The following DLAT variants were observed in gnomAD, a reference collection of about 807,000 sequenced individuals.
DLAT encodes dihydrolipoyllysine-residue acetyltransferase component of pyruvate dehydrogenase complex, mitochondrial.
Under a neutral mutation model 68.0 loss-of-function variants are expected in DLAT, and 43 were observed. The observed-to-expected ratio is 0.63, with a 90% CI of 0.50 to 0.81. DLAT has a LOEUF of 0.81. Among genes scored for constraint, DLAT ranks in the 40% least tolerant of loss-of-function variants. DLAT has a pLI of 0.00. For missense variants in DLAT, 745 were observed against 815.4 expected, an observed-to-expected ratio of 0.91 and a Z score of 1.05; for synonymous variants, 265 against 288.6, an observed-to-expected ratio of 0.92 and a Z score of 0.83.
At chr11:112,049,793 G>T (rs1431430036) in intron 10 of DLAT, among the ~76,000 whole-genome samples, 1 of 151,990 alleles carries the variant, frequency 6.6e-6, no homozygotes, top group Non-Finnish European at 1.5e-5. Flanking sequence ...GTTTTTTAGT[G>T]TATTTCTTAG....
intron 11 of DLAT, among the ~76,000 whole-genome samples, chr11:112,054,286 C>A (rs1225393922): frequency 1.3e-5 from 2 of 152,182 alleles, no homozygotes; most frequent in East Asian, 3.9e-4. Context: ...CGCCACTGCA[C>A]TCCAGCCTGA....
At chr11:112,053,774 A>G (rs1233165960) in intron 11 of DLAT, among the ~76,000 whole-genome samples, 6 of 152,082 alleles carry the variant, frequency 3.9e-5, no homozygotes, top group African/African-American at 7.2e-5. Flanking sequence ...CTTTTAAACT[A>G]TTGTTTCTTC....
chr11:112,056,101 T>C (rs1555182546), intron 11 of DLAT, among the ~76,000 whole-genome samples: 1 of 151,866 alleles, frequency 6.6e-6, no homozygotes, highest in Non-Finnish European at 1.5e-5. Context: ...CTCTTGACTT[T>C]GTGATCTGCC....
chr11:112,037,803 G>T (rs1286410753), intron 6 of DLAT, among the ~76,000 whole-genome samples: 1 of 146,116 alleles, frequency 6.8e-6, no homozygotes, highest in Non-Finnish European at 1.5e-5. Context: ...TAAGAGACAA[G>T]GTCTCACCCT....
chr11:112,060,166 T>C, intron 12 of DLAT, 101 bp downstream of exon 12: 2 of 1,134,216 alleles, frequency 1.8e-6, no homozygotes, highest in Non-Finnish European at 2.5e-6. Context: ...TAATTTTTTT[T>C]TTTTTTTTTT....
intron 10 of DLAT, among the ~76,000 whole-genome samples, chr11:112,047,134 CCTGA>C (rs1863362587): frequency 6.6e-6 from 1 of 152,166 alleles, no homozygotes; most frequent in Non-Finnish European, 1.5e-5. Context: ...TCTGTTGTTT[CCTGA>C]CTTTTTAGTG....
Position 112,037,250 on chromosome 11 carries a change from A to C in DLAT, c.788-23A>C, listed in dbSNP as rs189966569. On this transcript the variant is annotated intron_variant, in intron 5 of 13. Coordinates refer to ENST00000280346, the MANE Select transcript of DLAT (RefSeq NM_001931.5). ...GATAGTGGAATCTCTTAAGTCCCAT[A>C]ATGTTTTTTCTTTCTATTTAAGGTT... 29 of 1,607,588 alleles carry C rather than the reference A, an allele frequency of 1.8e-5. No homozygotes were observed. In the East Asian group the frequency reaches 6.5e-4, roughly 36 times the overall value.
At position 112,026,330 on chromosome 11, in the gene DLAT, T is replaced by A. The variant is rs376223988; in HGVS notation, c.381+31T>A. On this transcript the variant is annotated intron_variant, in intron 2 of 13. Coordinates refer to ENST00000280346, the MANE Select transcript of DLAT (RefSeq NM_001931.5). ...TTTTTTTTTTTTTTTTTAATTAATT[T>A]ATTTATTTTTTTTATTGATCATTCT... The A allele has an allele frequency of 4.9e-3, 5,860 of 1,202,610 alleles. 26 individuals carry two copies. Among genetic ancestry groups the A allele is most frequent in the Admixed American group, 0.021 (694 of 33,342 alleles). The allele number at this position is 1,202,610 out of a possible 1,614,324, so 74.5% of individuals were successfully genotyped here.
intron 5 of DLAT, among the ~76,000 whole-genome samples, chr11:112,035,573 C>T (rs1862668638): frequency 6.6e-6 from 1 of 151,594 alleles, no homozygotes; most frequent in African/African-American, 2.4e-5. Flanking sequence ...ACCACAACCT[C>T]TGCCTCCTGG....
At chr11:112,060,566 T>C (rs1864524165) in intron 12 of DLAT, among the ~76,000 whole-genome samples, 1 of 152,128 alleles carries the variant, frequency 6.6e-6, no homozygotes, top group South Asian at 2.1e-4. Context: ...GCAATTCTCC[T>C]ACCTCTGCCT....
intron 10 of DLAT, among the ~76,000 whole-genome samples, chr11:112,049,556 T>C (rs1439029293): frequency 6.6e-6 from 1 of 152,066 alleles, no homozygotes; most frequent in Non-Finnish European, 1.5e-5. Context: ...ATTGCTACTA[T>C]ATAAAGGTAT....
intron 10 of DLAT, among the ~76,000 whole-genome samples, chr11:112,048,259 GCTCT>G (rs1173741951): frequency 6.6e-6 from 1 of 151,954 alleles, no homozygotes; most frequent in African/African-American, 2.4e-5. Flanking sequence ...TCACAATTTG[GCTCT>G]CTGTTTGTCT....
chr11:112,051,296 A>G lies in DLAT; in HGVS notation c.1461A>G (p.Ala487=). 1.9e-6 allele frequency: 3 copies of G among 1,613,754 alleles called. No individual in the cohort carries two copies. The highest frequency in any genetic ancestry group is 2.5e-6 in the Non-Finnish European group (3 of 1,179,984). The change falls in exon 11 of 14, where the codon GCA becomes GCG. Residue 487 remains alanine (A), a synonymous_variant. Transcript: ENST00000280346. The surrounding 1 kb of genome is among the most constrained non-coding windows in gnomAD (Gnocchi z 4.3). ...NDFIIKASAL[A]CLKVPEANSS... ...TCATCATAAAAGCTTCAGCTTTGGC[A>G]TGTTTAAAAGTTCCCGAAGCAAATT...
intron 12 of DLAT, among the ~76,000 whole-genome samples, chr11:112,060,624 T>TTG (rs1160362957): frequency 1.1e-4 from 16 of 151,702 alleles, no homozygotes; most frequent in East Asian, 1.9e-4. Context: ...CTGACTAATT[T>TTG]TGTGTGTGTG....
chr11:112,029,042 G>A (rs781985127), intron 4 of DLAT, 97 bp downstream of exon 4: 4 of 1,388,460 alleles, frequency 2.9e-6, no homozygotes, highest in East Asian at 2.3e-5. Context: ...GACATTAAAT[G>A]TGGTTAGGTC....
Position 112,064,225 on chromosome 11 carries a change from GAA to G in DLAT, c.*1697_*1698del. On this transcript the variant is annotated 3_prime_UTR_variant, in exon 14 of 14. Coordinates refer to ENST00000280346, the MANE Select transcript of DLAT (RefSeq NM_001931.5). ...ATGCTTGTGGTTCTGTTGTTCCCTT[GAA>G]AAAAAATAAAAACAGTTGCCTTCTA... is the stretch of plus-strand genomic sequence containing the variant. 2 of 1,551,296 alleles carry G rather than the reference GAA, an allele frequency of 1.3e-6. No homozygotes were observed. Among genetic ancestry groups the G allele is most frequent in the Non-Finnish European group, 1.7e-6 (2 of 1,151,742 alleles).
At chr11:112,026,132 T>A in intron 1 of DLAT, 66 bp from the exon 2 acceptor site, 1 of 1,238,454 alleles carries the variant, frequency 8.1e-7, no homozygotes, top group Non-Finnish European at 1.2e-6. Flanking sequence ...TTGAATGAAA[T>A]CTTAAGCCAG....
chr11:112,026,966 GA>G (rs1385803815), intron 2 of DLAT, among the ~76,000 whole-genome samples: 1 of 150,676 alleles, frequency 6.6e-6, no homozygotes, highest in Non-Finnish European at 1.5e-5. Flanking sequence ...TTCCCTCCCG[GA>G]CGGGGCGGCT....
Position 112,059,980 on chromosome 11 carries a change from T to G in DLAT, c.1592T>G (p.Ile531Arg), listed in dbSNP as rs782348613. 2 of 1,613,962 alleles carry G rather than the reference T, an allele frequency of 1.2e-6. No homozygotes were observed. The highest frequency in any genetic ancestry group is 3.3e-5 in the Admixed American group (2 of 60,012). Reference sequence around the variant, plus strand: ...ACACCTATTGTGTTTAATGCACATATAAAAGGAGTGGAAACCATTGCTAAT... The same window carrying G: ...ACACCTATTGTGTTTAATGCACATAGAAAAGGAGTGGAAACCATTGCTAAT... ...LITPIVFNAH[I>R]KGVETIANDV... is the part of the protein sequence containing the mutation. Residue 531 changes from isoleucine (I) to arginine (R), a missense_variant, in exon 12 of 14, where the codon ATA becomes AGA. Ile to Arg is a moderately conservative substitution (Grantham distance 97). Coordinates refer to ENST00000280346, the MANE Select transcript of DLAT (RefSeq NM_001931.5).
Sources: gnomAD v4.1 joint callset for allele counts (sites outside exome capture counted in the v4.1 genomes callset) on GRCh38, gnomAD v4.1.1 for gene constraint, Gnocchi (gnomAD v3.1) non-coding constraint, MANE v1.5 for transcripts, NCBI Gene and HGNC (gene_info 2026-07-23, HGNC 2026-07-21) for gene names.